ZBED6: variants seen among roughly 807,000 people sequenced by gnomAD.
ZBED6 encodes zinc finger BED domain-containing protein 6.
Under a neutral mutation model 58.4 loss-of-function variants are expected in ZBED6, and 40 were observed. That is an observed-to-expected ratio of 0.68 (90% CI 0.53 to 0.89). ZBED6 has a LOEUF of 0.89. Ranked by LOEUF, ZBED6 falls within the 40% of genes least tolerant of loss-of-function variation. The pLI, the probability that ZBED6 is intolerant of heterozygous loss-of-function variation, is 0.00. For missense variants in ZBED6, 1,057 were observed against 1,003.9 expected, an observed-to-expected ratio of 1.05 and a Z score of -0.71; for synonymous variants, 439 against 350.6, an observed-to-expected ratio of 1.25 and a Z score of -2.82.
chr1:203,846,162 G>T (rs9729831), intron 11 of ZBED6, among the ~76,000 whole-genome samples: 2 of 142,866 alleles, frequency 1.4e-5, no homozygotes, highest in South Asian at 4.4e-4. Context: ...AATTTTTTTG[G>T]GGGGGGGGTT....
exon 1 of ZBED6, chr1:203,802,160 C>T (rs1028642960): frequency 6.6e-6 from 1 of 152,542 alleles, no homozygotes; most frequent in African/African-American, 2.4e-5. Context: ...TATTACCATA[C>T]GTTTCTATCT....
chr1:203,832,878 C>T (rs1437946757), intron 8 of ZBED6, among the ~76,000 whole-genome samples: 2 of 152,188 alleles, frequency 1.3e-5, no homozygotes, highest in Non-Finnish European at 2.9e-5. Flanking sequence ...AGGATAGTTT[C>T]AGCTTTATAA....
At chr1:203,803,016 T>C (rs1670998427) in exon 1 of ZBED6, 1 of 152,602 alleles carries the variant, frequency 6.6e-6, no homozygotes, top group Non-Finnish European at 1.5e-5. Flanking sequence ...AACCAGCTAA[T>C]GTAAGTGGGG....
chr1:203,845,633 G>A lies in ZBED6; in HGVS notation c.*3742-1551G>A, dbSNP rs567160984. 1.6e-3 allele frequency among the ~76,000 whole-genome samples: 238 copies of A among 152,316 alleles called. 1 individual carries two copies. The highest frequency in any genetic ancestry group is 2.8e-3 in the Non-Finnish European group (188 of 68,020). On this transcript the variant is annotated intron_variant, in intron 11 of 16. Transcript: ENST00000550078. ...TAATCCCAGCACTTTGGGAGGCCAG[G>A]CAGGTAAATCTCTTGAGACCAGGAG...
chr1:203,808,786 T>C (rs1010979962), intron 1 of ZBED6, among the ~76,000 whole-genome samples: 28 of 152,130 alleles, frequency 1.8e-4, no homozygotes, highest in Admixed American at 1.5e-3. Context: ...TTCGTCGTCG[T>C]CATCGCCATC....
At chr1:203,806,605 A>G (rs974471304) in intron 1 of ZBED6, among the ~76,000 whole-genome samples, 2 of 152,092 alleles carry the variant, frequency 1.3e-5, no homozygotes, top group Admixed American at 1.3e-4. Flanking sequence ...GCCCGGCCTA[A>G]CACCTTTTTT....
chr1:203,806,671 T>C (rs1247922919), intron 1 of ZBED6, among the ~76,000 whole-genome samples: 1 of 152,198 alleles, frequency 6.6e-6, no homozygotes, highest in East Asian at 1.9e-4. Flanking sequence ...TGAAGACTGT[T>C]GAATGGGTGT....
intron 9 of ZBED6, among the ~76,000 whole-genome samples, chr1:203,836,332 TCATA>T: frequency 6.6e-6 from 1 of 152,362 alleles, no homozygotes; most frequent in Non-Finnish European, 1.5e-5. Flanking sequence ...AGAGAAACAA[TCATA>T]CTCTGTGTAG....
intron 8 of ZBED6, among the ~76,000 whole-genome samples, chr1:203,832,145 G>A (rs572179668): frequency 8.1e-4 from 123 of 152,184 alleles, no homozygotes; most frequent in African/African-American, 2.3e-3. Context: ...CGCAGCCTCC[G>A]TCTTCTGGGT....
At chr1:203,811,920 A>G (rs1674623953) in intron 1 of ZBED6, among the ~76,000 whole-genome samples, 1 of 150,694 alleles carries the variant, frequency 6.6e-6, no homozygotes, top group Non-Finnish European at 1.5e-5. Context: ...TGTTCAAGTG[A>G]TTCTCACACC....
At position 203,821,392 on chromosome 1, in the gene ZBED6, A is replaced by G. The variant is rs146743007; in HGVS notation, c.*2873+2703A>G. Among the ~76,000 whole-genome samples, 341 of 152,060 alleles carry G rather than the reference A, an allele frequency of 2.2e-3. 2 individuals are homozygous for G. The highest frequency in any genetic ancestry group is 1.6e-3 in the Non-Finnish European group (110 of 67,996). Reference sequence around the variant, plus strand: ...AATGGACTAATACATGTGGTTTTCTATTTTAATCAGTGTGTCGTACTCTGT... The same window carrying G: ...AATGGACTAATACATGTGGTTTTCTGTTTTAATCAGTGTGTCGTACTCTGT... On this transcript the variant is annotated intron_variant, in intron 3 of 16. Coordinates refer to ENST00000550078, the Ensembl canonical transcript of ZBED6.
At chr1:203,841,106 C>G (rs1024566246) in intron 11 of ZBED6, among the ~76,000 whole-genome samples, 2 of 150,602 alleles carry the variant, frequency 1.3e-5, no homozygotes, top group African/African-American at 4.9e-5. Flanking sequence ...GAGCACATAC[C>G]ACTTTTGACC....
intron 3 of ZBED6, among the ~76,000 whole-genome samples, chr1:203,826,146 G>C (rs1680439642): frequency 6.6e-6 from 1 of 152,062 alleles, no homozygotes; most frequent in South Asian, 2.1e-4. Flanking sequence ...AAAAAACAGT[G>C]GTAGCTATTA....
At position 203,797,076 on chromosome 1, in the gene ZBED6, T is replaced by A. The variant is rs1668770733; in HGVS notation, c.-447T>A. ...TAATTTCAGAATTAAGGGAAATTGA[T>A]GTCGCTATCATGAGGCATCATAAAA... On this transcript the variant is annotated 5_prime_UTR_variant, in exon 1 of 17. It removes an upstream start codon present in the reference 5' UTR. Transcript: ENST00000550078. The A allele has an allele frequency of 6.5e-6, 1 of 153,578 alleles. No homozygotes were observed. The highest frequency in any genetic ancestry group is 2.1e-4 in the South Asian group (1 of 4,852). The allele number at this position is 153,578 out of a possible 1,614,324, so 9.5% of individuals were successfully genotyped here.
chr1:203,804,253 G>A (rs1374353357), intron 1 of ZBED6, among the ~76,000 whole-genome samples: 2 of 150,368 alleles, frequency 1.3e-5, no homozygotes, highest in Non-Finnish European at 1.5e-5. Context: ...CCGGGTTCAC[G>A]CCATTCTCCT....
intron 3 of ZBED6, among the ~76,000 whole-genome samples, chr1:203,826,495 G>A (rs187135789): frequency 6.6e-6 from 1 of 152,218 alleles, no homozygotes; most frequent in Non-Finnish European, 1.5e-5. Context: ...TTTCAGAGAT[G>A]TGGAGCAAAT....
intron 11 of ZBED6, among the ~76,000 whole-genome samples, chr1:203,840,602 G>A (rs1685788645): frequency 7.6e-6 from 1 of 131,852 alleles, no homozygotes; most frequent in South Asian, 2.4e-4. Flanking sequence ...TTAATAGTAG[G>A]AAATTATTTA....
exon 1 of ZBED6, chr1:203,800,152 A>C (rs1670104786): frequency 6.5e-7 from 1 of 1,534,798 alleles, no homozygotes; most frequent in South Asian, 1.2e-5. Flanking sequence ...AAGTATTCAG[A>C]GTTCTCAGGA....
At chr1:203,818,749 A>C in intron 3 of ZBED6, 60 bp downstream of exon 3, 1 of 1,610,432 alleles carries the variant, frequency 6.2e-7, no homozygotes, top group Non-Finnish European at 8.5e-7. Context: ...GGCCAATAAA[A>C]AATATAGGGA....
Sources: allele counts gnomAD v4.1 joint callset (sites outside exome capture counted in the v4.1 genomes callset), GRCh38; gene constraint gnomAD v4.1.1; transcripts MANE v1.5; gene names NCBI Gene and HGNC (gene_info 2026-07-23, HGNC 2026-07-21).